The following LLGL2 variants were observed in gnomAD, a reference collection of about 807,000 sequenced individuals.
LLGL2 encodes LLGL scribble cell polarity complex component 2, also known as LLGL2, scribble cell polarity complex component.
In LLGL2, 81 loss-of-function variants were observed where a neutral mutation model predicts 123.2. The observed-to-expected ratio is 0.66, with a 90% CI of 0.55 to 0.79. The LOEUF (loss-of-function observed/expected upper bound fraction) is 0.79. Ranked by LOEUF, LLGL2 falls within the 30% of genes least tolerant of loss-of-function variation. The probability of loss-of-function intolerance (pLI) is 0.00; values close to 1 mark genes in which losing one functional copy is unlikely to be tolerated. For missense variants in LLGL2, 1,273 were observed against 1,414.6 expected, an observed-to-expected ratio of 0.90 and a Z score of 1.61; for synonymous variants, 577 against 594.1, an observed-to-expected ratio of 0.97 and a Z score of 0.42.
chr17:75,555,913 A>T, intron 2 of LLGL2, 133 bp from the exon 3 acceptor site: 1 of 661,014 alleles, frequency 1.5e-6, no homozygotes, highest in Non-Finnish European at 2.7e-6. Flanking sequence ...TCCAACACTC[A>T]GGTGTCTGGG....
In LLGL2 at chr17:75,571,880, C is replaced by T; in HGVS notation, c.2294-18C>T. The T allele has an allele frequency of 6.2e-7, 1 of 1,610,656 alleles. No individual in the cohort carries two copies. Among genetic ancestry groups the T allele is most frequent in the Non-Finnish European group, 8.5e-7 (1 of 1,179,766 alleles). On this transcript the variant is annotated intron_variant, in intron 18 of 25. Coordinates refer to ENST00000392550, the MANE Select transcript of LLGL2 (RefSeq NM_001031803.2). ...TGCCACCCCCTCACCAGCCCCAACA[C>T]CCACCTCCTCCCCCTAGCCAAGGAG... is the stretch of plus-strand genomic sequence containing the variant.
chr17:75,532,717 G>A (rs962529314), intron 1 of LLGL2, among the ~76,000 whole-genome samples: 5 of 152,024 alleles, frequency 3.3e-5, no homozygotes, highest in African/African-American at 4.8e-5. Flanking sequence ...GAGCCGCTGC[G>A]CCCAGCCCTC....
chr17:75,526,894 GCA>G (rs1363089626), intron 1 of LLGL2, among the ~76,000 whole-genome samples: 1 of 152,102 alleles, frequency 6.6e-6, no homozygotes, highest in Non-Finnish European at 1.5e-5. Context: ...GAGGCTGGGT[GCA>G]TTGGCTCACA....
intron 10 of LLGL2, among the ~76,000 whole-genome samples, chr17:75,565,532 T>C (rs1442684444): frequency 6.6e-6 from 1 of 152,184 alleles, no homozygotes; most frequent in Non-Finnish European, 1.5e-5. Flanking sequence ...TCCACAACAT[T>C]TGGGCCATGT....
chr17:75,570,852 G>A, intron 16 of LLGL2, 98 bp from the exon 17 acceptor site: 1 of 1,442,786 alleles, frequency 6.9e-7, no homozygotes, highest in Non-Finnish European at 9.3e-7. Flanking sequence ...TGGCATGGCT[G>A]TGGCCTGCCT....
rs1568051979 is a variant in LLGL2, at chr17:75,558,846, A to ATG, written c.371+219_371+220insTG. ...ACCACGCCTCCTCCATCCGCACCCC[A>ATG]CCTCCTCCATCCGCACCCCGCCTCC... On this transcript the variant is annotated intron_variant, in intron 5 of 25. Coordinates refer to ENST00000392550, the MANE Select transcript of LLGL2 (RefSeq NM_001031803.2). The surrounding 1 kb of genome is among the most constrained non-coding windows in gnomAD (Gnocchi z 4.0). 5,803 of 288,650 alleles carry ATG rather than the reference A, an allele frequency of 0.02. 450 individuals are homozygous for ATG. The highest frequency in any genetic ancestry group is 0.12 in the African/African-American group (2,742 of 23,234). 17.9% of individuals were successfully genotyped at this position (288,650 alleles called of 1,614,324 possible). A position where few individuals can be genotyped will look rare whatever the true frequency, so the allele number is the denominator to read the frequency against.
chr17:75,569,412 C>T (rs147831761), intron 14 of LLGL2, 87 bp downstream of exon 14: 168 of 1,102,306 alleles, frequency 1.5e-4, no homozygotes, highest in East Asian at 2.6e-4. Flanking sequence ...ACCTGCCTAA[C>T]GCACATTCTG....
chr17:75,557,891 A>G (rs1053793822), intron 3 of LLGL2: 13 of 506,382 alleles, frequency 2.6e-5, no homozygotes, highest in African/African-American at 2.3e-4. Flanking sequence ...TTGCCAGGGT[A>G]GGGCTTCGCC....
rs2055908595 is a variant in LLGL2, at chr17:75,574,985, T to G, written c.*107T>G. On this transcript the variant is annotated 3_prime_UTR_variant, in exon 26 of 26. Transcript: ENST00000392550. Reference sequence around the variant, plus strand: ...CGGTGCACAGGGCCCCGCCAGGGGCTGGGGGCATCCCGGCTTCCACAATGC... The same window carrying G: ...CGGTGCACAGGGCCCCGCCAGGGGCGGGGGGCATCCCGGCTTCCACAATGC... 5.3e-6 allele frequency: 8 copies of G among 1,512,968 alleles called. No homozygotes were observed. The highest frequency in any genetic ancestry group is 7.3e-6 in the Non-Finnish European group (8 of 1,089,392). The allele number at this position is 1,512,968 out of a possible 1,614,324, so 93.7% of individuals were successfully genotyped here.
intron 11 of LLGL2, 22 bp downstream of exon 11, chr17:75,568,715 G>T (rs752021198): frequency 6.2e-7 from 1 of 1,613,378 alleles, no homozygotes; most frequent in East Asian, 2.2e-5. Flanking sequence ...CCTGGCCCCA[G>T]CCCCAGCCCC....
At chr17:75,566,652 C>T (rs950353134) in intron 10 of LLGL2, among the ~76,000 whole-genome samples, 1 of 152,216 alleles carries the variant, frequency 6.6e-6, no homozygotes, top group African/African-American at 2.4e-5. Context: ...ATTTGGTCCT[C>T]AGGCTGTAAT....
At position 75,562,721 on chromosome 17, in the gene LLGL2, ACCACG is replaced by A. The variant is rs2055274395; in HGVS notation, c.531-292_531-288del. On this transcript the variant is annotated intron_variant, in intron 6 of 25. Coordinates refer to ENST00000392550, the MANE Select transcript of LLGL2 (RefSeq NM_001031803.2). ...GTAGCTGGGGTTATAGCCATGTGCC[ACCACG>A]CCCAGCTAATGTTTTATATTTTTAG... is the stretch of plus-strand genomic sequence containing the variant. 35 of 389,008 alleles carry A rather than the reference ACCACG, an allele frequency of 9.0e-5. No homozygotes were observed. The South Asian group carries it at 9.4e-4, about 10-fold the overall frequency. 24.1% of individuals were successfully genotyped at this position (389,008 alleles called of 1,614,324 possible). A position where few individuals can be genotyped will look rare whatever the true frequency, so the allele number is the denominator to read the frequency against.
chr17:75,553,714 G>A (rs1053204562), intron 2 of LLGL2, among the ~76,000 whole-genome samples: 5 of 152,140 alleles, frequency 3.3e-5, no homozygotes, highest in African/African-American at 4.8e-5. Flanking sequence ...GGTGGGAGGC[G>A]GGGGTCAGAT....
At chr17:75,569,638 A>T (rs997999212) in intron 14 of LLGL2, among the ~76,000 whole-genome samples, 1 of 152,136 alleles carries the variant, frequency 6.6e-6, no homozygotes, top group African/African-American at 2.4e-5. Context: ...CCCCATCTCT[A>T]CTAAAAATAT....
At chr17:75,574,160 C>T in intron 22 of LLGL2, 53 bp from the exon 23 acceptor site, 3 of 1,519,022 alleles carry the variant, frequency 2.0e-6, no homozygotes, top group Non-Finnish European at 2.7e-6. Flanking sequence ...AGAGAGAGAG[C>T]CAGGCCGAGG....
rs114524736 is a variant in LLGL2, at chr17:75,552,753, G to C, written c.76-3293G>C. On this transcript the variant is annotated intron_variant, in intron 2 of 25. Transcript: ENST00000392550. ...TCCAGCCCCTGTTCTTCTAGAACCCGAGTTGTTCCAGACATACTTGAAGGG... is the reference window on the plus strand; with the variant it reads ...TCCAGCCCCTGTTCTTCTAGAACCCCAGTTGTTCCAGACATACTTGAAGGG... 5.9e-3 allele frequency among the ~76,000 whole-genome samples: 897 copies of C among 152,302 alleles called. 11 individuals carry two copies. The highest frequency in any genetic ancestry group is 0.02 in the African/African-American group (849 of 41,556).
At position 75,559,947 on chromosome 17, in the gene LLGL2, G is replaced by T. The variant is rs2055124303; in HGVS notation, c.530+537G>T. On this transcript the variant is annotated intron_variant, in intron 6 of 25. Transcript: ENST00000392550. This position sits in a 1 kb window ranked among gnomAD's most constrained non-coding sequence, Gnocchi z 4.6. ...GGAGTTGGATCAGGTCCGGGTGGGAGAAGGGGACGGGGCCCAAAAAAAGAG... is the reference window on the plus strand; with the variant it reads ...GGAGTTGGATCAGGTCCGGGTGGGATAAGGGGACGGGGCCCAAAAAAAGAG... 6.6e-6 allele frequency among the ~76,000 whole-genome samples: 1 copy of T among 152,238 alleles called. No individual in the cohort carries two copies. Among genetic ancestry groups the T allele is most frequent in the Non-Finnish European group, 1.5e-5 (1 of 68,034 alleles).
chr17:75,556,252 G>A, intron 3 of LLGL2, 109 bp downstream of exon 3: 1 of 840,822 alleles, frequency 1.2e-6, no homozygotes, highest in Non-Finnish European at 1.9e-6. Context: ...TAAAATGAGG[G>A]ACTTTCCTGA....
At chr17:75,566,082 T>A (rs1227262901) in intron 10 of LLGL2, among the ~76,000 whole-genome samples, 1 of 152,180 alleles carries the variant, frequency 6.6e-6, no homozygotes, top group Non-Finnish European at 1.5e-5. Flanking sequence ...ACGGAAGCAG[T>A]CTGATGGAAG....
Sources: gnomAD v4.1 joint callset for allele counts (sites outside exome capture counted in the v4.1 genomes callset) on GRCh38, gnomAD v4.1.1 for gene constraint, Gnocchi (gnomAD v3.1) non-coding constraint, MANE v1.5 for transcripts, NCBI Gene and HGNC (gene_info 2026-07-23, HGNC 2026-07-21) for gene names.